Variants in PPFIA1 observed in about 807,000 individuals in gnomAD.
PPFIA1 encodes the protein PPFI scaffold protein A1.
A neutral mutation model predicts 149.9 loss-of-function variants in PPFIA1; 25 were observed. The observed-to-expected ratio is 0.17, with a 90% CI of 0.12 to 0.23. The LOEUF (loss-of-function observed/expected upper bound fraction) is 0.23, where lower values mean the gene tolerates loss of function less well. Among genes scored for constraint, PPFIA1 ranks in the 10% least tolerant of loss-of-function variants. PPFIA1 has a pLI of 1.00. For missense variants in PPFIA1, 1,362 were observed against 1,506.5 expected (o/e 0.90, Z 1.59); for synonymous variants, 549 against 552.8 (o/e 0.99, Z 0.10).
rs966958852 is a variant in PPFIA1 at position 70,272,380 on chromosome 11, G to C, written c.208G>C (p.Glu70Gln). The C allele has an allele frequency of 6.2e-7, 1 of 1,614,180 alleles. No individual in the cohort carries two copies. The highest frequency in any genetic ancestry group is 2.2e-5 in the East Asian group (1 of 44,892). The change falls in exon 2 of 28, where the codon GAG becomes CAG. Residue 70 changes from glutamate (E) to glutamine (Q), a missense_variant. Transcript: ENST00000253925. ...GGCCTTAACCCAGGGGAAGTTACAC[G>C]AGGTTGGTCATGAAAGAGATTCCTT... The part of the protein sequence containing the change: ...TLALTQGKLH[E>Q]VGHERDSLQR...
chr11:70,338,319 T>A (rs563409720), intron 12 of PPFIA1, 55 bp from the exon 13 acceptor site: 4 of 1,365,196 alleles, frequency 2.9e-6, no homozygotes, highest in Middle Eastern at 1.8e-4. Context: ...TTGAAGTAAG[T>A]GGTTTTAAAA....
intron 2 of PPFIA1, among the ~76,000 whole-genome samples, chr11:70,274,361 C>G (rs1405591703): frequency 2.0e-5 from 3 of 152,158 alleles, no homozygotes; most frequent in South Asian, 2.1e-4. Context: ...AACACACTTG[C>G]ATACCACCAC....
Position 70,376,554 on chromosome 11 carries a change from A to G in PPFIA1, c.3338A>G (p.Glu1113Gly). 3.1e-6 allele frequency: 5 copies of G among 1,613,980 alleles called. No individual in the cohort carries two copies. Among genetic ancestry groups the G allele is most frequent in the Non-Finnish European group, 4.2e-6 (5 of 1,179,838 alleles). The part of the protein sequence containing the change: ...NTQARAVLER[E>G]FNNLLVMGTD... Reference sequence around the variant, plus strand: ...CAGGCTCGTGCTGTCTTGGAAAGAGAATTTAACAACCTTTTGGTCATGGGG... The same window carrying G: ...CAGGCTCGTGCTGTCTTGGAAAGAGGATTTAACAACCTTTTGGTCATGGGG... Residue 1113 changes from glutamate (E) to glycine (G), a missense_variant, in exon 25 of 28, where the codon GAA (glutamate) becomes GGA (glycine). Around this residue, in one of 7 missense-constraint regions of PPFIA1, gnomAD observed 349 missense variants for 373.3 expected, o/e 0.93. Transcript: ENST00000253925.
intron 2 of PPFIA1, among the ~76,000 whole-genome samples, chr11:70,282,174 C>T (rs1188292026): frequency 2.0e-5 from 3 of 152,316 alleles, no homozygotes; most frequent in African/African-American, 4.8e-5. Context: ...AGCCCTTGGC[C>T]TCCAATTCCC....
intron 21 of PPFIA1, chr11:70,363,323 G>A (rs943413143): frequency 3.9e-5 from 6 of 152,106 alleles, no homozygotes; most frequent in South Asian, 2.1e-4. Flanking sequence ...TGTTAGTTTC[G>A]TTCTTCATGT....
chr11:70,352,447 T>G (rs2056106123), intron 16 of PPFIA1, among the ~76,000 whole-genome samples: 1 of 152,122 alleles, frequency 6.6e-6, no homozygotes, highest in African/African-American at 2.4e-5. Context: ...GGAAGTAGCA[T>G]GTTGATTGAC....
intron 1 of PPFIA1, chr11:70,271,442 C>T (rs965460571): frequency 3.9e-5 from 6 of 152,350 alleles, no homozygotes; most frequent in African/African-American, 1.4e-4. Context: ...TTAATAGACT[C>T]TCGTAATCTC....
chr11:70,308,482 C>A (rs2053029359), intron 2 of PPFIA1, among the ~76,000 whole-genome samples: 1 of 152,158 alleles, frequency 6.6e-6, no homozygotes, highest in Non-Finnish European at 1.5e-5. Flanking sequence ...ATTTTATATT[C>A]CTGTAAGCAT....
intron 7 of PPFIA1, among the ~76,000 whole-genome samples, chr11:70,329,742 A>G (rs1258927607): frequency 1.3e-5 from 2 of 152,178 alleles, no homozygotes; most frequent in Non-Finnish European, 2.9e-5. Flanking sequence ...AGCCTGGGCG[A>G]TATAGTAAGA....
At chr11:70,341,959 G>C (rs1023284166) in intron 14 of PPFIA1, 1 of 152,548 alleles carries the variant, frequency 6.6e-6, no homozygotes, top group Non-Finnish European at 1.5e-5. Flanking sequence ...CGCTGGCAGG[G>C]AAGTAAGCGC....
Position 70,272,198 on chromosome 11 carries a change from T to A in PPFIA1, c.26T>A (p.Ile9Asn). ...ATGATGTGCGAGGTGATGCCGACCA[T>A]CAGCGAAGCAGAAGGCCCCCCTGGA... Reference protein sequence around the residue: MMCEVMPTISEAEGPPGGG... With the variant: MMCEVMPTNSEAEGPPGGG... The change falls in exon 2 of 28, where the codon ATC becomes AAC. Residue 9 changes from isoleucine (I) to asparagine (N), a missense_variant. This residue lies in a region of PPFIA1 where 100 missense variants were observed against 106.2 expected (regional missense o/e 0.94). Coordinates refer to ENST00000253925, the MANE Select transcript of PPFIA1 (RefSeq NM_003626.5). 1 of 1,613,830 alleles carries A rather than the reference T, an allele frequency of 6.2e-7. No individual in the cohort carries two copies.
chr11:70,280,425 C>T (rs550904912), intron 2 of PPFIA1, among the ~76,000 whole-genome samples: 100 of 151,972 alleles, frequency 6.6e-4, no homozygotes, highest in African/African-American at 2.3e-3. Flanking sequence ...AAAAAATAGC[C>T]GGGCATGGTG....
At chr11:70,363,996 A>T (rs555223028) in intron 21 of PPFIA1, among the ~76,000 whole-genome samples, 44 of 152,316 alleles carry the variant, frequency 2.9e-4, no homozygotes, top group African/African-American at 1.1e-3. Flanking sequence ...AGTAGCTGTG[A>T]CTACAGGCAT....
At chr11:70,369,781 A>G (rs1292687537) in intron 21 of PPFIA1, among the ~76,000 whole-genome samples, 3 of 152,092 alleles carry the variant, frequency 2.0e-5, no homozygotes, top group African/African-American at 7.2e-5. Context: ...TTGAATCTAT[A>G]TTGATGTCCC....
rs564225560 is a variant in PPFIA1, at chr11:70,357,964, C to T, written c.2582+1710C>T. The stretch of plus-strand genomic sequence containing the variant: ...ATGTTAGAGCTAAACTTTCTGCCTC[C>T]TGGAAACATGCTAGGAAAATTTCAT... On this transcript the variant is annotated intron_variant, in intron 19 of 27. Coordinates refer to ENST00000253925, the MANE Select transcript of PPFIA1 (RefSeq NM_003626.5). Among the ~76,000 whole-genome samples the T allele has an allele frequency of 4.6e-5, 7 of 152,238 alleles. No individual in the cohort carries two copies. The South Asian group carries it at 8.3e-4, about 18-fold the overall frequency.
chr11:70,278,752 T>A (rs1036781899), intron 2 of PPFIA1, among the ~76,000 whole-genome samples: 1 of 152,166 alleles, frequency 6.6e-6, no homozygotes, highest in African/African-American at 2.4e-5. Context: ...ATGTAGAAAT[T>A]TGTTGGTTGG....
At chr11:70,348,131 C>G in intron 15 of PPFIA1, 58 bp from the exon 16 acceptor site, 1 of 1,494,686 alleles carries the variant, frequency 6.7e-7, no homozygotes, top group Non-Finnish European at 9.3e-7. Context: ...TTTTCTCATG[C>G]AAACACATTA....
chr11:70,296,949 T>C (rs992780232), intron 2 of PPFIA1, among the ~76,000 whole-genome samples: 10 of 152,102 alleles, frequency 6.6e-5, no homozygotes, highest in African/African-American at 2.4e-4. Flanking sequence ...GTGGTGAAGA[T>C]AGTTAATTCA....
At chr11:70,368,111 C>G (rs1474745519) in intron 21 of PPFIA1, among the ~76,000 whole-genome samples, 1 of 152,198 alleles carries the variant, frequency 6.6e-6, no homozygotes, top group Non-Finnish European at 1.5e-5. Context: ...ACACTCCAGC[C>G]TGGGTGACAG....
Sources: allele counts gnomAD v4.1 joint callset (sites outside exome capture counted in the v4.1 genomes callset), GRCh38; gene constraint gnomAD v4.1.1; regional missense constraint gnomAD v4.1.1; transcripts MANE v1.5; gene names NCBI Gene and HGNC (gene_info 2026-07-23, HGNC 2026-07-21).